Variants in NRXN1 observed in about 807,000 individuals in gnomAD.
The protein encoded by NRXN1 is neurexin 1, also known as neurexin-1.
A neutral mutation model predicts 150.9 loss-of-function variants in NRXN1; 39 were observed. The observed-to-expected ratio is 0.26, with a 90% CI of 0.20 to 0.34. The LOEUF (loss-of-function observed/expected upper bound fraction) is 0.34, where lower values mean the gene tolerates loss of function less well. NRXN1 is among the 10% of genes least tolerant of loss of function. The pLI, the probability that NRXN1 is intolerant of heterozygous loss-of-function variation, is 1.00. For missense variants in NRXN1, 1,815 were observed against 1,949.9 expected, an observed-to-expected ratio of 0.93 and a Z score of 1.30; for synonymous variants, 924 against 757.0, an observed-to-expected ratio of 1.22 and a Z score of -3.62.
rs1668153873 is a variant in NRXN1 at position 49,921,313 on chromosome 2, A to AAAAT, written c.*627_*630dup. 1 of 152,540 alleles carries AAAAT rather than the reference A, an allele frequency of 6.6e-6. No individual in the cohort carries two copies. The highest frequency in any genetic ancestry group is 2.4e-5 in the African/African-American group (1 of 41,412). The allele number at this position is 152,540 out of a possible 1,614,324, so 9.4% of individuals were successfully genotyped here. On this transcript the variant is annotated 3_prime_UTR_variant, in exon 23 of 23. Transcript: ENST00000401669. ...ACGTGCCTTATATTTCACATTTTTG[A>AAAAT]AAATAAGGCCTCCATACTTTTTTTT...
chr2:50,664,785 A>G (rs1465122528), intron 5 of NRXN1, among the ~76,000 whole-genome samples: 1 of 151,816 alleles, frequency 6.6e-6, no homozygotes, highest in East Asian at 1.9e-4. Flanking sequence ...CCTAAAAAAA[A>G]AAAAACAAAA....
At chr2:50,139,194 C>T (rs113635677) in intron 18 of NRXN1, among the ~76,000 whole-genome samples, 15,218 of 151,876 alleles carry the variant, frequency 0.1, 890 homozygotes, top group Middle Eastern at 0.19. Context: ...GGCGTGGTGG[C>T]GTGTGCCAGT....
chr2:50,235,593 C>T (rs1455782795), intron 18 of NRXN1, among the ~76,000 whole-genome samples: 1 of 152,026 alleles, frequency 6.6e-6, no homozygotes, highest in African/African-American at 2.4e-5. Flanking sequence ...AAAGTTTGTG[C>T]TAATGTACTT....
intron 17 of NRXN1, among the ~76,000 whole-genome samples, chr2:50,277,405 C>CTCCCTTCCTTCCTCCCTCCTT (rs1553366343): frequency 0.012 from 826 of 66,104 alleles, 38 homozygotes; most frequent in African/African-American, 0.037. Context: ...TCCTTCCTCC[C>CTCCCTTCCTTCCTCCCTCCTT]TCCTTCCCTT....
At chr2:50,300,435 G>T (rs1179734415) in intron 17 of NRXN1, among the ~76,000 whole-genome samples, 1 of 152,218 alleles carries the variant, frequency 6.6e-6, no homozygotes. Context: ...CTCTGTGCTG[G>T]CTCCAGGAGG....
At chr2:50,782,185 G>A (rs1251293531) in intron 5 of NRXN1, among the ~76,000 whole-genome samples, 1 of 152,002 alleles carries the variant, frequency 6.6e-6, no homozygotes, top group African/African-American at 2.4e-5. Flanking sequence ...CCAAAATTAG[G>A]AGAAGGGAAA....
chr2:50,709,719 C>T (rs1694899267), intron 5 of NRXN1, among the ~76,000 whole-genome samples: 1 of 152,024 alleles, frequency 6.6e-6, no homozygotes, highest in Non-Finnish European at 1.5e-5. Flanking sequence ...GACTTTTGGC[C>T]CACTGAGTGA....
intron 17 of NRXN1, among the ~76,000 whole-genome samples, chr2:50,276,556 G>C (rs2152927645): frequency 6.6e-6 from 1 of 152,304 alleles, no homozygotes; most frequent in East Asian, 1.9e-4. Context: ...TTGGATCTCA[G>C]AGGAGAAAGA....
chr2:50,993,099 T>G (rs1440940889), intron 2 of NRXN1, among the ~76,000 whole-genome samples: 1 of 151,976 alleles, frequency 6.6e-6, no homozygotes, highest in South Asian at 2.1e-4. Context: ...AGGGAATTAT[T>G]TGAAGCATAC....
At chr2:50,445,329 G>C (rs983719124) in intron 17 of NRXN1, among the ~76,000 whole-genome samples, 25 of 152,218 alleles carry the variant, frequency 1.6e-4, no homozygotes, top group African/African-American at 6.0e-4. Context: ...ACTAGAGGAA[G>C]TACGTGAATC....
chr2:50,434,161 G>A (rs1219744597), intron 17 of NRXN1, among the ~76,000 whole-genome samples: 4 of 144,984 alleles, frequency 2.8e-5, no homozygotes, highest in Admixed American at 1.4e-4. Context: ...CCGGGTTCGC[G>A]CCACTCTCCT....
chr2:49,956,727 A>C lies in NRXN1; in HGVS notation c.4129-12936T>G, dbSNP rs149285815. On this transcript the variant is annotated intron_variant, in intron 21 of 22. Coordinates refer to ENST00000401669, the MANE Select transcript of NRXN1 (RefSeq NM_001330078.2). The stretch of plus-strand genomic sequence containing the variant: ...ATTCCATAAGTCAAAGAAATCTGGA[A>C]ATGTTTCTATGAGTAGAAATTTGTG... Among the ~76,000 whole-genome samples, 59 of 152,252 alleles carry C rather than the reference A, an allele frequency of 3.9e-4. No homozygotes were observed. In the East Asian group the frequency reaches 0.011, roughly 29 times the overall value.
intron 5 of NRXN1, among the ~76,000 whole-genome samples, chr2:50,652,245 T>C (rs747674204): frequency 6.6e-6 from 1 of 152,108 alleles, no homozygotes; most frequent in South Asian, 2.1e-4. Flanking sequence ...AAGTATAATT[T>C]ACAGACCATA....
intron 17 of NRXN1, among the ~76,000 whole-genome samples, chr2:50,258,151 A>C (rs530670762): frequency 7.2e-5 from 11 of 152,134 alleles, no homozygotes. Flanking sequence ...TTCTTAAAAC[A>C]AGACAACAGT....
At chr2:50,061,697 T>C (rs1410378987) in intron 19 of NRXN1, among the ~76,000 whole-genome samples, 2 of 152,192 alleles carry the variant, frequency 1.3e-5, no homozygotes, top group Non-Finnish European at 2.9e-5. Flanking sequence ...AGCCTTCTCA[T>C]TGAATAGTTA....
At position 49,958,464 on chromosome 2, in the gene NRXN1, T is replaced by C. The variant is rs760665942; in HGVS notation, c.4129-14673A>G. On this transcript the variant is annotated intron_variant, in intron 21 of 22. Transcript: ENST00000401669. ...ATTCTGACATATTTCATTGCAGTTG[T>C]TATCACGCCTCTGCCATCTGGGTTT... Among the ~76,000 whole-genome samples the C allele has an allele frequency of 9.9e-5, 15 of 152,168 alleles. 1 individual carries two copies. The highest frequency in any genetic ancestry group is 4.1e-4 in the South Asian group (2 of 4,836).
intron 2 of NRXN1, among the ~76,000 whole-genome samples, chr2:50,954,303 C>T (rs894160323): frequency 6.6e-6 from 1 of 152,154 alleles, no homozygotes; most frequent in African/African-American, 2.4e-5. Context: ...GCTATTCAAC[C>T]AGTTCTTTTG....
At chr2:50,178,156 T>C (rs1247340139) in intron 18 of NRXN1, among the ~76,000 whole-genome samples, 2 of 152,112 alleles carry the variant, frequency 1.3e-5, no homozygotes, top group Admixed American at 6.6e-5. Context: ...AAAAATTAAA[T>C]GATCTAAGTT....
intron 2 of NRXN1, among the ~76,000 whole-genome samples, chr2:50,952,719 G>A (rs1287537000): frequency 6.6e-6 from 1 of 152,164 alleles, no homozygotes; most frequent in African/African-American, 2.4e-5. Flanking sequence ...CAACACACCA[G>A]GCCATGCAAT....
Sources: allele counts gnomAD v4.1 joint callset (sites outside exome capture counted in the v4.1 genomes callset), GRCh38; gene constraint gnomAD v4.1.1; transcripts MANE v1.5; gene names NCBI Gene and HGNC (gene_info 2026-07-23, HGNC 2026-07-21).